ABLIM2: variants seen among roughly 807,000 people sequenced by gnomAD.
ABLIM2 encodes the protein actin-binding LIM protein 2.
A neutral mutation model predicts 97.7 loss-of-function variants in ABLIM2; 53 were observed. The observed-to-expected ratio is 0.54, with a 90% confidence interval of 0.44 to 0.68. The LOEUF (loss-of-function observed/expected upper bound fraction) is 0.68, where lower values mean the gene tolerates loss of function less well. ABLIM2 is among the 30% of genes least tolerant of loss of function. The pLI is 0.00. For synonymous variants in ABLIM2, 361 were observed against 345.8 expected (o/e 1.04, Z -0.49); for missense variants, 835 against 867.2 (o/e 0.96, Z 0.47).
chr4:8,016,692 C>T (rs2385896), intron 14 of ABLIM2, among the ~76,000 whole-genome samples: 32 of 151,950 alleles, frequency 2.1e-4, no homozygotes, highest in African/African-American at 7.0e-4. Flanking sequence ...AAGACTGTCT[C>T]GAGGACTTTC....
At position 8,032,698 on chromosome 4, in the gene ABLIM2, A is replaced by G. The variant is rs763982371; in HGVS notation, c.1048-2922T>C. 2 of 1,612,390 alleles carry G rather than the reference A, an allele frequency of 1.2e-6. No homozygotes were observed. Among genetic ancestry groups the G allele is most frequent in the Non-Finnish European group, 1.7e-6 (2 of 1,179,796 alleles). Reference sequence around the variant, plus strand: ...TGAGGGGACTGTGGACACAACACACAAAGTGGCCATTAGTGCTGGCGCCAG... The same window carrying G: ...TGAGGGGACTGTGGACACAACACACGAAGTGGCCATTAGTGCTGGCGCCAG... On this transcript the variant is annotated intron_variant, in intron 10 of 20. Transcript: ENST00000447017. This position sits in a 1 kb window ranked among gnomAD's most constrained non-coding sequence, Gnocchi z 4.3.
chr4:7,971,067 C>T (rs1044689733), intron 20 of ABLIM2, among the ~76,000 whole-genome samples: 1 of 152,140 alleles, frequency 6.6e-6, no homozygotes, highest in East Asian at 1.9e-4. Context: ...CTCTGGGCTC[C>T]AGCTGTGGAA....
intron 3 of ABLIM2, among the ~76,000 whole-genome samples, chr4:8,093,343 T>C (rs538717487): frequency 6.6e-6 from 1 of 152,386 alleles, no homozygotes; most frequent in South Asian, 2.1e-4. Context: ...TCATTTTGCG[T>C]TTCCTTCAGC....
At chr4:8,027,486 C>T (rs75752451) in intron 12 of ABLIM2, among the ~76,000 whole-genome samples, 1,607 of 152,290 alleles carry the variant, frequency 0.011, 24 homozygotes, top group African/African-American at 0.037. Context: ...AGCCTGTGGG[C>T]GGGTGTGCAG....
At position 8,120,713 on chromosome 4, in the gene ABLIM2, GT is replaced by G. The variant is rs1845024572; in HGVS notation, c.11-14077del. Among the ~76,000 whole-genome samples the G allele has an allele frequency of 6.6e-6, 1 of 152,194 alleles. No homozygotes were observed. The highest frequency in any genetic ancestry group is 2.1e-4 in the South Asian group (1 of 4,828). The stretch of plus-strand genomic sequence containing the variant: ...ACTTCTCAGCTTACAGTGCAGGTCC[GT>G]CCTGATGAACCCGGGGCAAGCTCGT... On this transcript the variant is annotated intron_variant, in intron 1 of 20. Transcript: ENST00000447017. The surrounding 1 kb of genome is among the most constrained non-coding windows in gnomAD (Gnocchi z 5.6).
Position 8,061,289 on chromosome 4 carries a change from A to G in ABLIM2, c.676-235T>C, listed in dbSNP as rs932227844. ...GGGGGAGACCTGGCTGCACTTGCCCAGCCTGCAGGAGCCCAGCATGCAGCT... is the reference window on the plus strand; with the variant it reads ...GGGGGAGACCTGGCTGCACTTGCCCGGCCTGCAGGAGCCCAGCATGCAGCT... On this transcript the variant is annotated intron_variant, in intron 6 of 20. Coordinates refer to ENST00000447017, the MANE Select transcript of ABLIM2 (RefSeq NM_001130083.2). This position sits in a 1 kb window ranked among gnomAD's most constrained non-coding sequence, Gnocchi z 4.5. Among the ~76,000 whole-genome samples, 1 of 152,074 alleles carries G rather than the reference A, an allele frequency of 6.6e-6. No homozygotes were observed. Among genetic ancestry groups the G allele is most frequent in the Non-Finnish European group, 1.5e-5 (1 of 67,984 alleles).
At chr4:8,006,883 G>C (rs149809110) in intron 16 of ABLIM2, 16 of 386,388 alleles carry the variant, frequency 4.1e-5, no homozygotes, top group African/African-American at 2.8e-4. Flanking sequence ...TTGCAGGGGG[G>C]GGGTGGCTTT....
chr4:8,106,539 G>C lies in ABLIM2; in HGVS notation c.109C>G (p.Arg37Gly). 6.2e-7 allele frequency: 1 copy of C among 1,603,820 alleles called. No homozygotes were observed. Among genetic ancestry groups the C allele is most frequent in the Non-Finnish European group, 8.5e-7 (1 of 1,175,548 alleles). Residue 37 changes from arginine to glycine, a missense_variant, in exon 2 of 21, where the codon CGG becomes GGG. Physicochemically the swap from Arg to Gly is moderately radical, Grantham distance 125. Transcript: ENST00000447017. ...CGNVCKGEVL[R>G]VQDKYFHIKC... ...ATGTGGAAGTACTTGTCCTGCACCC[G>C]CAGCACCTCGCCCTTGCACACATTC...
chr4:8,088,966 C>T (rs1224826793), intron 3 of ABLIM2, among the ~76,000 whole-genome samples: 1 of 152,194 alleles, frequency 6.6e-6, no homozygotes, highest in East Asian at 1.9e-4. Context: ...AAGCACACCT[C>T]GTAGACAGGA....
At chr4:8,136,318 G>A (rs949300695) in intron 1 of ABLIM2, among the ~76,000 whole-genome samples, 3 of 152,226 alleles carry the variant, frequency 2.0e-5, no homozygotes, top group Non-Finnish European at 4.4e-5. Flanking sequence ...CACGGCTTCT[G>A]TTTGGGAAGA....
chr4:7,969,729 TGA>T (rs1560301476), intron 20 of ABLIM2, among the ~76,000 whole-genome samples: 2 of 49,674 alleles, frequency 4.0e-5, no homozygotes, highest in African/African-American at 9.7e-5. Context: ...TCTCTCTCTC[TGA>T]CACACACACA....
intron 20 of ABLIM2, among the ~76,000 whole-genome samples, chr4:7,967,691 C>T (rs918541320): frequency 6.6e-6 from 1 of 152,216 alleles, no homozygotes. Flanking sequence ...CTGTGGTCAC[C>T]GTGGAAAGGC....
chr4:8,040,967 C>T (rs1008898946), intron 9 of ABLIM2, among the ~76,000 whole-genome samples: 2 of 152,254 alleles, frequency 1.3e-5, no homozygotes, highest in Non-Finnish European at 2.9e-5. Context: ...CCCTGGGCAG[C>T]TCTGAGGCCA....
At position 8,072,520 on chromosome 4, in the gene ABLIM2, C is replaced by T. The variant is rs1248982036; in HGVS notation, c.675+5108G>A. ...GCAGCAACAGCCGCAGCTGACTGCA[C>T]CCAAGATACACCCCACTTTAGGCCA... is the stretch of plus-strand genomic sequence containing the variant. On this transcript the variant is annotated intron_variant, in intron 6 of 20. Coordinates refer to ENST00000447017, the MANE Select transcript of ABLIM2 (RefSeq NM_001130083.2). This position sits in a 1 kb window ranked among gnomAD's most constrained non-coding sequence, Gnocchi z 5.8. Among the ~76,000 whole-genome samples, 1 of 152,194 alleles carries T rather than the reference C, an allele frequency of 6.6e-6. No homozygotes were observed. Among genetic ancestry groups the T allele is most frequent in the Non-Finnish European group, 1.5e-5 (1 of 68,022 alleles).
At chr4:8,146,837 G>GT (rs1413041066) in intron 1 of ABLIM2, among the ~76,000 whole-genome samples, 18 of 104,010 alleles carry the variant, frequency 1.7e-4, no homozygotes, top group Admixed American at 1.3e-3. Flanking sequence ...GTCAACAAAT[G>GT]TTTTTTTAAA....
chr4:8,056,305 CTT>C (rs71175456), intron 7 of ABLIM2, among the ~76,000 whole-genome samples: 26 of 128,150 alleles, frequency 2.0e-4, no homozygotes, highest in Non-Finnish European at 1.8e-4. Context: ...TTCTTTCTTT[CTT>C]TTTTTTTTTT....
At chr4:8,081,563 G>GC (rs1819828711) in intron 4 of ABLIM2, among the ~76,000 whole-genome samples, 1 of 152,224 alleles carries the variant, frequency 6.6e-6, no homozygotes, top group South Asian at 2.1e-4. Context: ...GCTGGGGAGA[G>GC]CCTGGTGCAC....
intron 1 of ABLIM2, among the ~76,000 whole-genome samples, chr4:8,119,622 AGACTGG>A (rs1844373747): frequency 2.0e-5 from 3 of 152,182 alleles, no homozygotes; most frequent in Admixed American, 2.0e-4. Context: ...CACCGTGCCC[AGACTGG>A]GCTTCCTTCT....
Position 8,069,989 on chromosome 4 carries a change from G to T in ABLIM2, c.675+7639C>A, listed in dbSNP as rs1477309561. On this transcript the variant is annotated intron_variant, in intron 6 of 20. Coordinates refer to ENST00000447017, the MANE Select transcript of ABLIM2 (RefSeq NM_001130083.2). The surrounding 1 kb of genome is among the most constrained non-coding windows in gnomAD (Gnocchi z 4.2). The stretch of plus-strand genomic sequence containing the variant: ...CGTGCTGTCTGCACGTCTTGTATGT[G>T]TATGTGATCTGTGTGTCCTTTTGTG... Among the ~76,000 whole-genome samples the T allele has an allele frequency of 6.6e-6, 1 of 151,950 alleles. No individual in the cohort carries two copies. The highest frequency in any genetic ancestry group is 2.1e-4 in the South Asian group (1 of 4,808).
Sources: gnomAD v4.1 joint callset for allele counts (sites outside exome capture counted in the v4.1 genomes callset) on GRCh38, gnomAD v4.1.1 for gene constraint, Gnocchi (gnomAD v3.1) non-coding constraint, MANE v1.5 for transcripts, NCBI Gene and HGNC (gene_info 2026-07-23, HGNC 2026-07-21) for gene names.